Variants in TMC1 observed in about 807,000 individuals in gnomAD.
TMC1 encodes the protein transmembrane channel-like protein 1.
TMC1 carries 84 observed loss-of-function variants against 105.8 expected under a neutral mutation model. The observed-to-expected ratio is 0.79, with a 90% CI of 0.67 to 0.95. The LOEUF is 0.95. Ranked by LOEUF, TMC1 falls within the 40% of genes least tolerant of loss-of-function variation. TMC1 has a pLI of 0.00. For synonymous variants in TMC1, 315 were observed against 311.5 expected, an observed-to-expected ratio of 1.01 and a Z score of -0.12; for missense variants, 817 against 914.1, an observed-to-expected ratio of 0.89 and a Z score of 1.37.
rs749066542 is a variant in TMC1 at position 72,792,285 on chromosome 9, G to T, written c.1499G>T (p.Gly500Val). ...GCATCATTCTCTGAAAATAGCACTG[G>T]ACCACCCTTTTTTGTTCACCCTGCA... The part of the protein sequence containing the change: ...YNASFSENST[G>V]PPFFVHPADV... The change falls in exon 17 of 24, where the codon GGA (glycine) becomes GTA (valine). Residue 500 changes from glycine to valine, a missense_variant. Gly to Val is a moderately radical substitution (Grantham distance 109). Transcript: ENST00000297784. The T allele has an allele frequency of 6.2e-7, 1 of 1,614,042 alleles. No homozygotes were observed. The highest frequency in any genetic ancestry group is 2.2e-5 in the East Asian group (1 of 44,868).
intron 1 of TMC1, among the ~76,000 whole-genome samples, chr9:72,531,865 C>A (rs1823502502): frequency 6.6e-6 from 1 of 152,076 alleles, no homozygotes; most frequent in Non-Finnish European, 1.5e-5. Flanking sequence ...CCATTTTTTC[C>A]TGTATCTGGC....
At chr9:72,817,907 T>C (rs1324370898) in intron 19 of TMC1, among the ~76,000 whole-genome samples, 1 of 152,192 alleles carries the variant, frequency 6.6e-6, no homozygotes, top group Admixed American at 6.5e-5. Context: ...GAAGAGAATA[T>C]TGAGTTTTTT....
At chr9:72,658,369 T>C in intron 5 of TMC1, among the ~76,000 whole-genome samples, 1 of 151,702 alleles carries the variant, frequency 6.6e-6, no homozygotes, top group East Asian at 2.0e-4. Flanking sequence ...TCACCATAAC[T>C]AAACATTTAA....
chr9:72,546,482 C>CCGGTAA lies in TMC1; in HGVS notation c.-428+24572_-428+24577dup, dbSNP rs1464798566. Among the ~76,000 whole-genome samples, 11 of 152,260 alleles carry CCGGTAA rather than the reference C, an allele frequency of 7.2e-5. No individual in the cohort carries two copies. In the East Asian group the frequency reaches 1.9e-3, roughly 27 times the overall value. ...TCAAACATTGTCCTTTTGTTTTCTTCCGGTAACGTCAGACCAGCATATTTT... is the reference window on the plus strand; with the variant it reads ...TCAAACATTGTCCTTTTGTTTTCTTCCGGTAACGGTAACGTCAGACCAGCATATTTT... On this transcript the variant is annotated intron_variant, in intron 1 of 23. Transcript: ENST00000297784.
At chr9:72,798,890 A>G (rs1828419637) in intron 17 of TMC1, among the ~76,000 whole-genome samples, 1 of 152,092 alleles carries the variant, frequency 6.6e-6, no homozygotes, top group Admixed American at 6.6e-5. Flanking sequence ...AAATTTTAAT[A>G]ATGTCAATTT....
At chr9:72,787,951 A>G (rs558888662) in intron 13 of TMC1, among the ~76,000 whole-genome samples, 10 of 152,310 alleles carry the variant, frequency 6.6e-5, no homozygotes, top group Non-Finnish European at 1.0e-4. Context: ...TGTAAAAGTC[A>G]GTATATATGT....
chr9:72,778,974 C>T (rs920585969), intron 13 of TMC1, among the ~76,000 whole-genome samples: 5 of 152,200 alleles, frequency 3.3e-5, no homozygotes, highest in African/African-American at 1.2e-4. Context: ...GCTCTGCTGC[C>T]ACCAACACAT....
chr9:72,836,311 A>C lies in TMC1; in HGVS notation c.*338A>C. On this transcript the variant is annotated 3_prime_UTR_variant, in exon 24 of 24. Coordinates refer to ENST00000297784, the MANE Select transcript of TMC1 (RefSeq NM_138691.3). ...TTAGTTGGTGGGTTAATTAAAAAAA[A>C]TTTGCTCATATGAACTTTCATTTTA... The C allele has an allele frequency of 3.5e-6, 1 of 284,908 alleles. No individual in the cohort carries two copies. The highest frequency in any genetic ancestry group is 6.6e-6 in the Non-Finnish European group (1 of 152,438). 17.6% of individuals were successfully genotyped at this position (284,908 alleles called of 1,614,324 possible). A position where few individuals can be genotyped will look rare whatever the true frequency, so the allele number is the denominator to read the frequency against.
At chr9:72,766,676 C>T (rs1827843799) in intron 12 of TMC1, among the ~76,000 whole-genome samples, 1 of 152,096 alleles carries the variant, frequency 6.6e-6, no homozygotes, top group Admixed American at 6.5e-5. Flanking sequence ...TCATTCACAG[C>T]TGCTTGAGGG....
At position 72,792,212 on chromosome 9, in the gene TMC1, A is replaced by G; in HGVS notation, c.1426A>G (p.Lys476Glu). The change falls in exon 17 of 24, where the codon AAG becomes GAG. Residue 476 changes from lysine to glutamate, a missense_variant. By Grantham distance (56) the Lys-to-Glu change is moderately conservative (BLOSUM62 1). Transcript: ENST00000297784. ...NNKIEEEKLV[K>E]ANITLWEANM... ...CTAGATTGAAGAGGAGAAGCTAGTA[A>G]AGGCCAATATTACCCTTTGGGAAGC... The G allele has an allele frequency of 6.2e-7, 1 of 1,614,158 alleles. No homozygotes were observed. Among genetic ancestry groups the G allele is most frequent in the Non-Finnish European group, 8.5e-7 (1 of 1,180,016 alleles).
At chr9:72,689,310 AGGTCG>A (rs1826425915) in intron 6 of TMC1, among the ~76,000 whole-genome samples, 1 of 152,124 alleles carries the variant, frequency 6.6e-6, no homozygotes, top group African/African-American at 2.4e-5. Flanking sequence ...CAAACAAGGT[AGGTCG>A]GATGATTTCT....
intron 1 of TMC1, among the ~76,000 whole-genome samples, chr9:72,563,634 C>T (rs985721304): frequency 6.6e-6 from 1 of 152,022 alleles, no homozygotes; most frequent in African/African-American, 2.4e-5. Flanking sequence ...CGCAGTGGCT[C>T]ATGCCTGTAA....
At chr9:72,728,184 C>A (rs1270474334) in intron 8 of TMC1, among the ~76,000 whole-genome samples, 1 of 152,084 alleles carries the variant, frequency 6.6e-6, no homozygotes, top group Non-Finnish European at 1.5e-5. Context: ...GCTCACATAG[C>A]ATCTTAACAA....
chr9:72,830,507 A>G lies in TMC1; in HGVS notation c.2186A>G (p.Asp729Gly). 6.2e-7 allele frequency: 1 copy of G among 1,613,724 alleles called. No individual in the cohort carries two copies. The change falls in exon 22 of 24, where the codon GAT (aspartate) becomes GGT (glycine). Residue 729 changes from aspartate to glycine, a missense_variant. Coordinates refer to ENST00000297784, the MANE Select transcript of TMC1 (RefSeq NM_138691.3). ...AAGGGCCAGAAGGCAGCGAATCTGGATCTCAAAAAGAAGATGAAAATGGTA... is the reference window on the plus strand; with the variant it reads ...AAGGGCCAGAAGGCAGCGAATCTGGGTCTCAAAAAGAAGATGAAAATGGTA... ...TAKGQKAANLDLKKKMKMQAL... is the reference protein window; with the variant it reads ...TAKGQKAANLGLKKKMKMQAL...
At chr9:72,724,578 T>A (rs945074026) in intron 8 of TMC1, among the ~76,000 whole-genome samples, 3 of 152,202 alleles carry the variant, frequency 2.0e-5, no homozygotes, top group Non-Finnish European at 2.9e-5. Context: ...TAGCACAGTA[T>A]AAAATGATAA....
chr9:72,543,100 A>C (rs967423757), intron 1 of TMC1, among the ~76,000 whole-genome samples: 2 of 152,132 alleles, frequency 1.3e-5, no homozygotes, highest in Admixed American at 1.3e-4. Context: ...TTATGTTTAC[A>C]TTTCATCTTG....
intron 8 of TMC1, among the ~76,000 whole-genome samples, chr9:72,721,312 C>G (rs960370193): frequency 1.6e-4 from 24 of 152,138 alleles, no homozygotes; most frequent in Non-Finnish European, 2.9e-4. Context: ...TCAGAAAAAT[C>G]TGGGAACAGA....
In TMC1 at chr9:72,702,007, C is replaced by T. The variant is rs144409662; in HGVS notation, c.362+1364C>T. ...ATTTTGTGTATGCATGCTCATGTGT[C>T]TGTACATTAAAATAATTTTCATTTA... On this transcript the variant is annotated intron_variant, in intron 8 of 23. Coordinates refer to ENST00000297784, the MANE Select transcript of TMC1 (RefSeq NM_138691.3). Among the ~76,000 whole-genome samples the T allele has an allele frequency of 8.9e-3, 1,351 of 152,180 alleles. 12 individuals are homozygous for T. Among genetic ancestry groups the T allele is most frequent in the Middle Eastern group, 0.017 (5 of 294 alleles).
At chr9:72,728,109 T>C (rs1827151981) in intron 8 of TMC1, among the ~76,000 whole-genome samples, 1 of 152,086 alleles carries the variant, frequency 6.6e-6, no homozygotes, top group Non-Finnish European at 1.5e-5. Flanking sequence ...AGCAGAAGTT[T>C]ATTACCATGT....
Sources: allele counts gnomAD v4.1 joint callset (sites outside exome capture counted in the v4.1 genomes callset), GRCh38; gene constraint gnomAD v4.1.1; transcripts MANE v1.5; gene names NCBI Gene and HGNC (gene_info 2026-07-23, HGNC 2026-07-21).